ITPKB: variants seen among roughly 807,000 people sequenced by gnomAD.
ITPKB encodes inositol-trisphosphate 3-kinase B, also known as IP3 3-kinase B.
ITPKB carries 13 observed loss-of-function variants against 69.4 expected under a neutral mutation model. The observed-to-expected ratio is 0.19, with a 90% CI of 0.12 to 0.30. The LOEUF (loss-of-function observed/expected upper bound fraction) is 0.30. Among genes scored for constraint, ITPKB ranks in the 10% least tolerant of loss-of-function variants. The probability of loss-of-function intolerance (pLI) is 1.00; values close to 1 mark genes in which losing one functional copy is unlikely to be tolerated. For synonymous variants in ITPKB, 584 were observed against 513.7 expected (o/e 1.14, Z -1.85); for missense variants, 1,240 against 1,250.5 (o/e 0.99, Z 0.13).
chr1:226,693,085 C>T (rs1222619648), intron 2 of ITPKB, among the ~76,000 whole-genome samples: 1 of 152,226 alleles, frequency 6.6e-6, no homozygotes, highest in African/African-American at 2.4e-5. Flanking sequence ...CTTGGGTGCT[C>T]TGTCCTCCAG....
Position 226,736,382 on chromosome 1 carries a change from T to G in ITPKB, c.1077A>C (p.Glu359Asp). The change falls in exon 2 of 8, where the codon GAA becomes GAC. Residue 359 changes from glutamate (E) to aspartate (D), a missense_variant. Coordinates refer to ENST00000429204, the MANE Select transcript of ITPKB (RefSeq NM_002221.4). ...GTTCTCCATCGCGGGGCCCGCCCCTTTCTGGGGCTGGGCTTGTCTCACTGC... is the reference window on the plus strand; with the variant it reads ...GTTCTCCATCGCGGGGCCCGCCCCTGTCTGGGGCTGGGCTTGTCTCACTGC... Reference protein sequence around the residue: ...FLGSETSPAPERGGPRDGEPP... With the variant: ...FLGSETSPAPDRGGPRDGEPP... 1 of 1,612,532 alleles carries G rather than the reference T, an allele frequency of 6.2e-7. No individual in the cohort carries two copies.
chr1:226,727,978 A>T (rs1243947174), intron 2 of ITPKB, among the ~76,000 whole-genome samples: 1 of 152,204 alleles, frequency 6.6e-6, no homozygotes, highest in Non-Finnish European at 1.5e-5. Flanking sequence ...TGCTAGATTA[A>T]CAGGATAGCA....
chr1:226,645,907 G>A (rs3768371), intron 4 of ITPKB, among the ~76,000 whole-genome samples: 25,064 of 152,106 alleles, frequency 0.16, 2,189 homozygotes, highest in Middle Eastern at 0.31. Context: ...GAGTGATGGC[G>A]AGAGAACACA....
chr1:226,684,804 C>G (rs1287076044), intron 2 of ITPKB, among the ~76,000 whole-genome samples: 1 of 152,184 alleles, frequency 6.6e-6, no homozygotes, highest in African/African-American at 2.4e-5. Context: ...ACAGAGGGCC[C>G]CAAAGACGTC....
At chr1:226,730,972 A>G (rs1025456003) in intron 2 of ITPKB, among the ~76,000 whole-genome samples, 2 of 152,238 alleles carry the variant, frequency 1.3e-5, no homozygotes, top group African/African-American at 4.8e-5. Context: ...GTAGTACCTA[A>G]AAGCGGGTGA....
chr1:226,702,601 G>A (rs1418819648), intron 2 of ITPKB, among the ~76,000 whole-genome samples: 1 of 152,140 alleles, frequency 6.6e-6, no homozygotes, highest in African/African-American at 2.4e-5. Context: ...GCACAGTAAG[G>A]GACTAGATTT....
chr1:226,728,824 A>G (rs2102648687), intron 2 of ITPKB, among the ~76,000 whole-genome samples: 1 of 152,156 alleles, frequency 6.6e-6, no homozygotes, highest in East Asian at 1.9e-4. Context: ...CTGGAATTTC[A>G]CCCAAGTCTC....
chr1:226,642,750 T>C lies in ITPKB; in HGVS notation c.2247-625A>G, dbSNP rs1668986980. On this transcript the variant is annotated intron_variant, in intron 4 of 7. Transcript: ENST00000429204. This position sits in a 1 kb window ranked among gnomAD's most constrained non-coding sequence, Gnocchi z 6.4. ...CCCCTTGGCTGCCTCGGCCCTTCCA[T>C]AAAGCGAGGGCTTCCAAAGCCAGAA... 6.6e-6 allele frequency among the ~76,000 whole-genome samples: 1 copy of C among 151,896 alleles called. No homozygotes were observed. The highest frequency in any genetic ancestry group is 1.5e-5 in the Non-Finnish European group (1 of 67,960).
intron 2 of ITPKB, among the ~76,000 whole-genome samples, chr1:226,697,497 G>A (rs1430461909): frequency 2.0e-5 from 3 of 152,232 alleles, no homozygotes; most frequent in Non-Finnish European, 2.9e-5. Flanking sequence ...TCCCTGGAGA[G>A]ATGGGTGTCA....
intron 2 of ITPKB, chr1:226,659,671 G>A (rs1337515683): frequency 6.6e-6 from 1 of 151,772 alleles, no homozygotes. Context: ...GCAGGATGTG[G>A]ATACGCAGAA....
At position 226,642,120 on chromosome 1, in the gene ITPKB, T is replaced by G; in HGVS notation, c.2252A>C (p.Tyr751Ser). 1 of 1,612,950 alleles carries G rather than the reference T, an allele frequency of 6.2e-7. No individual in the cohort carries two copies. The highest frequency in any genetic ancestry group is 8.5e-7 in the Non-Finnish European group (1 of 1,179,676). Residue 751 changes from tyrosine (Y) to serine (S), a missense_variant, in exon 5 of 8, where the codon TAC becomes TCC. Tyr to Ser is a moderately radical substitution (Grantham distance 144). Coordinates refer to ENST00000429204, the MANE Select transcript of ITPKB (RefSeq NM_002221.4). The surrounding 1 kb of genome is among the most constrained non-coding windows in gnomAD (Gnocchi z 6.4). ...GGCCTTCGTGAGCTCCTCCTCCAGGTAGGTCCTACGTGGGAGGGAAGGCGA... is the reference window on the plus strand; with the variant it reads ...GGCCTTCGTGAGCTCCTCCTCCAGGGAGGTCCTACGTGGGAGGGAAGGCGA... ...VMDCKMGIRT[Y>S]LEEELTKARK...
intron 5 of ITPKB, among the ~76,000 whole-genome samples, chr1:226,639,992 G>A (rs1668923844): frequency 6.6e-6 from 1 of 152,178 alleles, no homozygotes; most frequent in African/African-American, 2.4e-5. Context: ...TGCAACAGCA[G>A]GGCCAAGAGA....
Position 226,686,083 on chromosome 1 carries a change from G to GCC in ITPKB, c.1933-37313_1933-37312insGG, listed in dbSNP as rs539274340. On this transcript the variant is annotated intron_variant, in intron 2 of 7. Coordinates refer to ENST00000429204, the MANE Select transcript of ITPKB (RefSeq NM_002221.4). ...AAGGAAAGGGAATGGCAGATAAAGC[G>GCC]ACCCCCCGCCCTAAAAGGCTTACCA... 5.0e-3 allele frequency among the ~76,000 whole-genome samples: 760 copies of GCC among 152,216 alleles called. 17 individuals carry two copies. The East Asian group carries it at 0.056, about 11-fold the overall frequency.
intron 2 of ITPKB, among the ~76,000 whole-genome samples, chr1:226,718,400 C>A (rs1224361819): frequency 6.6e-6 from 1 of 151,968 alleles, no homozygotes; most frequent in Non-Finnish European, 1.5e-5. Flanking sequence ...TTGAGACCAG[C>A]CTTGGCGACA....
Position 226,696,286 on chromosome 1 carries a change from T to C in ITPKB, c.1932+39241A>G, listed in dbSNP as rs1571862556. 3.3e-5 allele frequency among the ~76,000 whole-genome samples: 5 copies of C among 152,024 alleles called. No homozygotes were observed. The East Asian group carries it at 7.7e-4, about 23-fold the overall frequency. The stretch of plus-strand genomic sequence containing the variant: ...TAAGTGAGACTTAATTTGAAATATA[T>C]ACACACATATATATACACATATATA... On this transcript the variant is annotated intron_variant, in intron 2 of 7. Transcript: ENST00000429204.
intron 3 of ITPKB, 107 bp downstream of exon 3, chr1:226,648,565 T>C (rs1166879253): frequency 1.2e-5 from 9 of 758,402 alleles, no homozygotes; most frequent in Admixed American, 8.0e-5. Context: ...CTAGAAAGTC[T>C]TGGAGGGAAC....
intron 2 of ITPKB, among the ~76,000 whole-genome samples, chr1:226,717,503 G>C (rs535764036): frequency 6.6e-6 from 1 of 152,320 alleles, no homozygotes; most frequent in South Asian, 2.1e-4. Context: ...GCCTCACCCA[G>C]AGTGGGGCCT....
At chr1:226,671,834 A>G (rs1669623908) in intron 2 of ITPKB, among the ~76,000 whole-genome samples, 1 of 152,214 alleles carries the variant, frequency 6.6e-6, no homozygotes, top group African/African-American at 2.4e-5. Context: ...AGGAACAGCA[A>G]AGTGGCTGGA....
rs529255930 is a variant in ITPKB at position 226,737,656 on chromosome 1, C to T, written c.-198G>A. The T allele has an allele frequency of 8.8e-5, 94 of 1,066,312 alleles. 1 individual carries two copies. In the South Asian group the frequency reaches 3.5e-3, roughly 40 times the overall value. The allele number at this position is 1,066,312 out of a possible 1,614,324, so 66.1% of individuals were successfully genotyped here. ...CCCCCGCCCAAAGCTCCATAAACAA[C>T]CGTGCGGCTGTGGAGATACAAGGAG... On this transcript the variant is annotated 5_prime_UTR_variant, in exon 2 of 8. Transcript: ENST00000429204.
Sources: gnomAD v4.1 joint callset for allele counts (sites outside exome capture counted in the v4.1 genomes callset) on GRCh38, gnomAD v4.1.1 for gene constraint, Gnocchi (gnomAD v3.1) non-coding constraint, MANE v1.5 for transcripts, NCBI Gene and HGNC (gene_info 2026-07-23, HGNC 2026-07-21) for gene names.